The following MEF2C variants were observed in gnomAD, a reference collection of about 807,000 sequenced individuals.
MEF2C encodes myocyte enhancer factor 2C.
A neutral mutation model predicts 50.5 loss-of-function variants in MEF2C; 6 were observed. That is an observed-to-expected ratio of 0.12 (90% CI 0.07 to 0.23). The LOEUF is 0.23. Ranked by LOEUF, MEF2C falls within the 10% of genes least tolerant of loss-of-function variation. MEF2C has a pLI of 1.00. For missense variants in MEF2C, 276 were observed against 605.0 expected, an observed-to-expected ratio of 0.46 and a Z score of 5.70; for synonymous variants, 183 against 228.0, an observed-to-expected ratio of 0.80 and a Z score of 1.78.
At chr5:88,822,959 C>A (rs572896146) in intron 2 of MEF2C, among the ~76,000 whole-genome samples, 22 of 152,042 alleles carry the variant, frequency 1.4e-4, no homozygotes, top group Non-Finnish European at 3.1e-4. Context: ...CCTTACATAG[C>A]CTAACTAAAT....
Position 88,720,593 on chromosome 5 carries a change from G to A in MEF2C, c.*2011C>T, listed in dbSNP as rs1175476748. 6.6e-6 allele frequency: 1 copy of A among 152,552 alleles called. No homozygotes were observed. Among genetic ancestry groups the A allele is most frequent in the Non-Finnish European group, 1.5e-5 (1 of 68,014 alleles). The allele number at this position is 152,552 out of a possible 1,614,324, so 9.4% of individuals were successfully genotyped here. On this transcript the variant is annotated 3_prime_UTR_variant, in exon 11 of 11. Coordinates refer to ENST00000504921, the MANE Select transcript of MEF2C (RefSeq NM_002397.5). Reference sequence around the variant, plus strand: ...ATGATATAGCAGTGTTGATATTACTGCCTATATCTTCTTTGCTGTGTATGT... The same window carrying A: ...ATGATATAGCAGTGTTGATATTACTACCTATATCTTCTTTGCTGTGTATGT...
At chr5:88,796,494 T>C (rs1483186568) in intron 3 of MEF2C, among the ~76,000 whole-genome samples, 1 of 152,212 alleles carries the variant, frequency 6.6e-6, no homozygotes, top group Non-Finnish European at 1.5e-5. Context: ...ATCTTCTTTA[T>C]CATTTTTTAC....
intron 3 of MEF2C, among the ~76,000 whole-genome samples, chr5:88,788,459 C>T (rs1299816390): frequency 6.6e-6 from 1 of 151,986 alleles, no homozygotes; most frequent in East Asian, 1.9e-4. Flanking sequence ...ATCCGCCTGC[C>T]TCGGCCTCCC....
At chr5:88,884,925 T>C (rs116058848), upstream of MEF2C, among the ~76,000 whole-genome samples, 1,185 of 151,952 alleles carry the variant, frequency 7.8e-3, 12 homozygotes, top group African/African-American at 0.026. Flanking sequence ...TAGTATAGAA[T>C]CATGAAAAGA....
At chr5:88,844,135 A>C (rs1818473293) in intron 1 of MEF2C, among the ~76,000 whole-genome samples, 1 of 152,188 alleles carries the variant, frequency 6.6e-6, no homozygotes, top group Non-Finnish European at 1.5e-5. Flanking sequence ...CATCCTAGTA[A>C]AAGTGGTAAA....
intron 1 of MEF2C, among the ~76,000 whole-genome samples, chr5:88,876,930 A>T (rs1831246412): frequency 6.6e-6 from 1 of 151,976 alleles, no homozygotes; most frequent in South Asian, 2.1e-4. Context: ...GCTATTTGGA[A>T]AAAGCAGGTT....
At chr5:88,893,333 T>G (rs1834790976) in intron 1 of MEF2C, among the ~76,000 whole-genome samples, 1 of 145,904 alleles carries the variant, frequency 6.9e-6, no homozygotes, top group East Asian at 2.0e-4. Context: ...TTTTTTTTTA[T>G]GGAGTCTTGC....
intron 1 of MEF2C, among the ~76,000 whole-genome samples, chr5:88,879,667 T>C (rs1441082809): frequency 6.6e-6 from 1 of 152,136 alleles, no homozygotes; most frequent in Non-Finnish European, 1.5e-5. Context: ...ATTTAATGTT[T>C]GTTCATAAAG....
chr5:88,811,141 T>C (rs1438577388), intron 2 of MEF2C, among the ~76,000 whole-genome samples: 1 of 152,028 alleles, frequency 6.6e-6, no homozygotes, highest in East Asian at 1.9e-4. Flanking sequence ...CTGACAAAAT[T>C]AGAGCATCTA....
intron 1 of MEF2C, among the ~76,000 whole-genome samples, chr5:88,851,976 C>A (rs1380188556): frequency 6.6e-6 from 1 of 152,064 alleles, no homozygotes; most frequent in Non-Finnish European, 1.5e-5. Context: ...ATTTATCAAA[C>A]TATTTGTATT....
chr5:88,842,901 C>A (rs76484799), intron 1 of MEF2C, among the ~76,000 whole-genome samples: 5,873 of 152,124 alleles, frequency 0.039, 125 homozygotes, highest in Non-Finnish European at 0.041. Flanking sequence ...TGAAATTAAG[C>A]GTGGGTTCTA....
intron 3 of MEF2C, among the ~76,000 whole-genome samples, chr5:88,799,899 CACACACACACACACAGAGAG>C (rs1197277390): frequency 2.1e-5 from 2 of 94,044 alleles, no homozygotes; most frequent in Non-Finnish European, 5.5e-5. Context: ...CACACACACA[CACACACACACACACAGAGAG>C]AGAGACACAC....
At chr5:88,813,065 G>A (rs531804791) in intron 2 of MEF2C, among the ~76,000 whole-genome samples, 2 of 152,252 alleles carry the variant, frequency 1.3e-5, no homozygotes, top group East Asian at 3.9e-4. Context: ...TTGAGAGCCA[G>A]TTGGTTTCTA....
At chr5:88,843,805 CT>C (rs35382083) in intron 1 of MEF2C, among the ~76,000 whole-genome samples, 33,790 of 129,694 alleles carry the variant, frequency 0.26, 3,154 homozygotes, top group Middle Eastern at 0.33. Flanking sequence ...TCCTGTGAAA[CT>C]TTTTTTTTTT....
rs570174603 is a variant in MEF2C at position 88,843,576 on chromosome 5, G to A, written c.-142-19646C>T. On this transcript the variant is annotated intron_variant, in intron 1 of 10. Transcript: ENST00000504921. Reference sequence around the variant, plus strand: ...TAAGACTCAATTTCTCCACAACAAAGTGAGAGGTGTTAACTATGTAATATA... The same window carrying A: ...TAAGACTCAATTTCTCCACAACAAAATGAGAGGTGTTAACTATGTAATATA... 44 of 520,684 alleles carry A rather than the reference G, an allele frequency of 8.5e-5. No homozygotes were observed. In the South Asian group the frequency reaches 3.3e-3, roughly 39 times the overall value. The allele number at this position is 520,684 out of a possible 1,614,324, so 32.3% of individuals were successfully genotyped here. A position where few individuals can be genotyped will look rare whatever the true frequency, so the allele number is the denominator to read the frequency against.
intron 2 of MEF2C, among the ~76,000 whole-genome samples, chr5:88,821,523 G>C (rs539109244): frequency 6.6e-6 from 1 of 151,908 alleles, no homozygotes; most frequent in East Asian, 1.9e-4. Flanking sequence ...TCAAAGTGTT[G>C]GGATTACAAG....
chr5:88,734,653 G>A, intron 6 of MEF2C: 1 of 932,032 alleles, frequency 1.1e-6, no homozygotes, highest in Non-Finnish European at 1.2e-6. Flanking sequence ...ATGTCTTTTT[G>A]CCCACATTTT....
At chr5:88,831,467 A>C (rs1394265084) in intron 1 of MEF2C, among the ~76,000 whole-genome samples, 1 of 151,748 alleles carries the variant, frequency 6.6e-6, no homozygotes, top group Non-Finnish European at 1.5e-5. Flanking sequence ...TGCTTCTTTC[A>C]TTATTTATTT....
intron 5 of MEF2C, among the ~76,000 whole-genome samples, chr5:88,749,684 T>A (rs1476892846): frequency 1.3e-5 from 2 of 152,350 alleles, no homozygotes; most frequent in East Asian, 3.9e-4. Flanking sequence ...AATTTGGCAA[T>A]GTTTATTTAT....
Sources: allele counts gnomAD v4.1 joint callset (sites outside exome capture counted in the v4.1 genomes callset), GRCh38; gene constraint gnomAD v4.1.1; transcripts MANE v1.5; gene names NCBI Gene and HGNC (gene_info 2026-07-23, HGNC 2026-07-21).